Variants in AOAH observed in about 807,000 individuals in gnomAD.
The protein encoded by AOAH is acyloxyacyl hydrolase (neutrophil).
A neutral mutation model predicts 92.2 loss-of-function variants in AOAH; 64 were observed. That is an observed-to-expected ratio of 0.69 (90% confidence interval 0.57 to 0.86). The LOEUF (loss-of-function observed/expected upper bound fraction) is 0.86, where lower values mean the gene tolerates loss of function less well. AOAH is among the 40% of genes least tolerant of loss of function. The probability of loss-of-function intolerance (pLI) is 0.00; values close to 1 mark genes in which losing one functional copy is unlikely to be tolerated. For missense variants in AOAH, 656 were observed against 694.6 expected (o/e 0.94, Z 0.62); for synonymous variants, 263 against 254.5 (o/e 1.03, Z -0.32).
intron 6 of AOAH, among the ~76,000 whole-genome samples, chr7:36,626,914 C>T (rs571654018): frequency 1.0e-3 from 154 of 152,178 alleles, no homozygotes; most frequent in Non-Finnish European, 9.1e-4. Context: ...GCAATGTGCC[C>T]GGCAACTCCA....
chr7:36,629,762 A>G (rs1486881316), intron 6 of AOAH, among the ~76,000 whole-genome samples: 1 of 152,174 alleles, frequency 6.6e-6, no homozygotes, highest in Non-Finnish European at 1.5e-5. Flanking sequence ...ACAACAGATG[A>G]GAGATGTTCA....
At chr7:36,590,717 C>T (rs746877987) in intron 12 of AOAH, among the ~76,000 whole-genome samples, 16 of 152,296 alleles carry the variant, frequency 1.1e-4, no homozygotes, top group East Asian at 1.9e-4. Flanking sequence ...TAGAGAAATC[C>T]GCCAATTCTG....
intron 13 of AOAH, among the ~76,000 whole-genome samples, chr7:36,557,463 T>A (rs916371974): frequency 6.6e-5 from 10 of 151,654 alleles, no homozygotes; most frequent in Admixed American, 3.9e-4. Context: ...ATTATGTGTC[T>A]TGGAGTTGCT....
At chr7:36,515,306 T>C (rs1583699673) in intron 20 of AOAH, among the ~76,000 whole-genome samples, 7 of 63,374 alleles carry the variant, frequency 1.1e-4, no homozygotes, top group South Asian at 5.9e-4. Context: ...ACACACACTA[T>C]ACCCCACACC....
Position 36,595,689 on chromosome 7 carries a change from A to G in AOAH, c.847-1259T>C, listed in dbSNP as rs1790055698. 2.6e-5 allele frequency among the ~76,000 whole-genome samples: 4 copies of G among 152,232 alleles called. No homozygotes were observed. The South Asian group carries it at 8.3e-4, about 31-fold the overall frequency. ...AAAATTTGTTATTTATCCTAAGCTC[A>G]AATTTGACTGAGTATCTTGTATTTT... On this transcript the variant is annotated intron_variant, in intron 11 of 20. Coordinates refer to ENST00000617537, the MANE Select transcript of AOAH (RefSeq NM_001637.4).
intron 2 of AOAH, among the ~76,000 whole-genome samples, chr7:36,686,486 T>C (rs1289163310): frequency 6.6e-6 from 1 of 152,200 alleles, no homozygotes; most frequent in African/African-American, 2.4e-5. Flanking sequence ...GCAATTTCAT[T>C]GTGCCATGAT....
At chr7:36,675,580 G>T (rs751711965) in intron 2 of AOAH, among the ~76,000 whole-genome samples, 18 of 152,138 alleles carry the variant, frequency 1.2e-4, no homozygotes, top group Non-Finnish European at 2.2e-4. Flanking sequence ...AAAAGTTAAA[G>T]AATTACTAAC....
intron 1 of AOAH, among the ~76,000 whole-genome samples, chr7:36,714,600 C>T (rs559036018): frequency 1.4e-4 from 22 of 152,318 alleles, no homozygotes; most frequent in Non-Finnish European, 2.6e-4. Context: ...CAAACCAAAT[C>T]CAGCCTCACA....
chr7:36,709,009 C>T (rs549136400), intron 1 of AOAH, among the ~76,000 whole-genome samples: 1 of 152,260 alleles, frequency 6.6e-6, no homozygotes, highest in South Asian at 2.1e-4. Context: ...TCACTTTCTG[C>T]TGAGCTCTTT....
chr7:36,707,048 T>G (rs1798459048), intron 1 of AOAH, among the ~76,000 whole-genome samples: 1 of 146,980 alleles, frequency 6.8e-6, no homozygotes, highest in Non-Finnish European at 1.5e-5. Context: ...TTTTCTTTTT[T>G]TTTTTTGGCA....
chr7:36,625,277 A>G (rs1004864047), intron 6 of AOAH, among the ~76,000 whole-genome samples: 27 of 152,306 alleles, frequency 1.8e-4, no homozygotes, highest in African/African-American at 6.3e-4. Context: ...TGAGTTGAGC[A>G]TGGTGGTTCA....
chr7:36,681,084 A>G (rs1048113406), intron 2 of AOAH, among the ~76,000 whole-genome samples: 5 of 152,224 alleles, frequency 3.3e-5, no homozygotes, highest in African/African-American at 1.2e-4. Flanking sequence ...TTTGCCAAAA[A>G]AGAGAACATC....
chr7:36,647,463 G>A (rs1209540332), intron 4 of AOAH, among the ~76,000 whole-genome samples: 1 of 152,210 alleles, frequency 6.6e-6, no homozygotes, highest in Non-Finnish European at 1.5e-5. Flanking sequence ...ATGTTCTCAA[G>A]AGAGATAGTT....
intron 15 of AOAH, among the ~76,000 whole-genome samples, 166 bp downstream of exon 15, chr7:36,548,446 A>G (rs936415057): frequency 2.0e-5 from 3 of 152,136 alleles, no homozygotes; most frequent in Non-Finnish European, 4.4e-5. Flanking sequence ...TCGGCCTCCC[A>G]AAGTGCTGGG....
intron 15 of AOAH, among the ~76,000 whole-genome samples, chr7:36,547,405 G>A (rs1192940828): frequency 7.2e-5 from 11 of 152,142 alleles, no homozygotes; most frequent in Admixed American, 4.6e-4. Flanking sequence ...TTATCTGTGC[G>A]GGCAAACACA....
At chr7:36,557,429 A>C (rs1171304846) in intron 13 of AOAH, among the ~76,000 whole-genome samples, 1 of 151,908 alleles carries the variant, frequency 6.6e-6, no homozygotes, top group Admixed American at 6.6e-5. Context: ...TTTTTCCTTC[A>C]TTTCAACTTT....
chr7:36,626,082 A>T (rs894240329), intron 6 of AOAH, among the ~76,000 whole-genome samples: 1 of 152,226 alleles, frequency 6.6e-6, no homozygotes, highest in Non-Finnish European at 1.5e-5. Context: ...TTCCCCATGT[A>T]TGTATTTGGC....
intron 2 of AOAH, among the ~76,000 whole-genome samples, chr7:36,683,334 AT>A (rs202111718): frequency 0.015 from 2,210 of 152,256 alleles, 22 homozygotes; most frequent in Non-Finnish European, 0.023. Context: ...TAGAGAGAGA[AT>A]TCATAGAAGG....
intron 18 of AOAH, chr7:36,530,754 T>G (rs572925301): frequency 2.3e-6 from 1 of 430,272 alleles, no homozygotes. Flanking sequence ...ATACTAGTTT[T>G]AACACCCTTG....
Sources: allele counts gnomAD v4.1 joint callset (sites outside exome capture counted in the v4.1 genomes callset), GRCh38; gene constraint gnomAD v4.1.1; transcripts MANE v1.5; gene names NCBI Gene and HGNC (gene_info 2026-07-23, HGNC 2026-07-21).